Variants in FNDC3B observed in about 807,000 individuals in gnomAD.
FNDC3B encodes fibronectin type III domain-containing protein 3B.
In FNDC3B, 12 loss-of-function variants were observed where a neutral mutation model predicts 151.5. That is an observed-to-expected ratio of 0.08 (90% CI 0.05 to 0.13). The LOEUF is 0.13. FNDC3B is among the 10% of genes least tolerant of loss of function. FNDC3B has a pLI of 1.00. For missense variants in FNDC3B, 1,214 were observed against 1,505.3 expected (o/e 0.81, Z 3.20); for synonymous variants, 528 against 549.0 (o/e 0.96, Z 0.54).
intron 1 of FNDC3B, among the ~76,000 whole-genome samples, chr3:172,080,248 C>T (rs1306420228): frequency 6.6e-6 from 1 of 152,018 alleles, no homozygotes; most frequent in Admixed American, 6.6e-5. Flanking sequence ...CCCTTGAAGG[C>T]ATCTTCTGAA....
At chr3:172,120,998 T>C (rs765838153) in intron 2 of FNDC3B, among the ~76,000 whole-genome samples, 4 of 151,968 alleles carry the variant, frequency 2.6e-5, no homozygotes. Context: ...CCAGAAGATA[T>C]GTTAACACTG....
intron 3 of FNDC3B, among the ~76,000 whole-genome samples, chr3:172,215,782 A>T (rs7619745): frequency 0.88 from 134,008 of 152,222 alleles, 59,228 homozygotes; most frequent in African/African-American, 0.93. Flanking sequence ...TCGACTTTTA[A>T]TGAGCAATCT....
intron 1 of FNDC3B, among the ~76,000 whole-genome samples, chr3:172,071,120 CTTAA>C (rs1717757334): frequency 6.6e-6 from 1 of 152,074 alleles, no homozygotes; most frequent in Non-Finnish European, 1.5e-5. Flanking sequence ...ATTTTTCAGA[CTTAA>C]TTATTCAATT....
Position 172,283,716 on chromosome 3 carries a change from A to G in FNDC3B, c.791-2210A>G, listed in dbSNP as rs78427216. The stretch of plus-strand genomic sequence containing the variant: ...CTGAACCAGTTCATTTATTGTGACT[A>G]TGCTTATGTTTTGTTTTGATTTTTT... On this transcript the variant is annotated intron_variant, in intron 6 of 25. Transcript: ENST00000415807. Among the ~76,000 whole-genome samples, 1,028 of 152,256 alleles carry G rather than the reference A, an allele frequency of 6.8e-3. 14 individuals are homozygous for G. Among genetic ancestry groups the G allele is most frequent in the African/African-American group, 0.023 (939 of 41,556 alleles).
intron 6 of FNDC3B, among the ~76,000 whole-genome samples, chr3:172,283,046 G>A (rs552571604): frequency 8.5e-5 from 13 of 152,350 alleles, no homozygotes; most frequent in Non-Finnish European, 1.3e-4. Flanking sequence ...GTAAAAATTA[G>A]CAAGGTGATG....
intron 3 of FNDC3B, among the ~76,000 whole-genome samples, chr3:172,179,385 T>G (rs929629119): frequency 6.6e-6 from 1 of 152,108 alleles, no homozygotes; most frequent in African/African-American, 2.4e-5. Context: ...ACTATTATGC[T>G]CAAGGTAAAT....
At chr3:172,153,687 C>G (rs150084473) in intron 3 of FNDC3B, among the ~76,000 whole-genome samples, 31 of 152,298 alleles carry the variant, frequency 2.0e-4, no homozygotes, top group African/African-American at 7.5e-4. Flanking sequence ...AAGAATGCCT[C>G]AAGAGTCAAA....
chr3:172,335,056 C>T lies in FNDC3B; in HGVS notation c.1754C>T (p.Thr585Ile), dbSNP rs1362986461. 1.4e-5 allele frequency: 22 copies of T among 1,609,940 alleles called. No individual in the cohort carries two copies. Among genetic ancestry groups the T allele is most frequent in the African/African-American group, 5.4e-5 (4 of 74,572 alleles). ...AGACCGCTTGTCAAAGGCCCAGTTA[C>T]ATCTCATGGCTTTAGTGTCAAATGG... is the stretch of plus-strand genomic sequence containing the variant. The part of the protein sequence containing the change: ...PTRPLVKGPV[T>I]SHGFSVKWDP... Residue 585 changes from threonine (T) to isoleucine (I), a missense_variant, in exon 15 of 26, where the codon ACA becomes ATA. Physicochemically the swap from Thr to Ile is moderately conservative, Grantham distance 89. This residue lies in a region of FNDC3B where 380 missense variants were observed against 420.9 expected (regional missense o/e 0.90). Coordinates refer to ENST00000415807, the MANE Select transcript of FNDC3B (RefSeq NM_022763.4).
intron 3 of FNDC3B, among the ~76,000 whole-genome samples, chr3:172,209,437 C>T (rs983533299): frequency 2.0e-5 from 3 of 152,124 alleles, no homozygotes; most frequent in Non-Finnish European, 4.4e-5. Flanking sequence ...CCGAGAGGAG[C>T]TTTATTGAGC....
intron 1 of FNDC3B, among the ~76,000 whole-genome samples, chr3:172,062,181 C>G (rs1576827802): frequency 1.3e-5 from 2 of 152,128 alleles, no homozygotes; most frequent in African/African-American, 4.8e-5. Flanking sequence ...CTCTCCTTAC[C>G]CCTCAGCCCC....
At chr3:172,388,365 C>G (rs933991582) in intron 25 of FNDC3B, among the ~76,000 whole-genome samples, 1 of 152,100 alleles carries the variant, frequency 6.6e-6, no homozygotes, top group African/African-American at 2.4e-5. Flanking sequence ...GTCAAGATTA[C>G]TTTAAAATAT....
intron 2 of FNDC3B, among the ~76,000 whole-genome samples, chr3:172,123,904 A>G (rs76383418): frequency 5.9e-5 from 9 of 152,324 alleles, no homozygotes; most frequent in African/African-American, 2.2e-4. Flanking sequence ...TATGAATAAT[A>G]TCTGTCTGTT....
chr3:172,136,500 G>T (rs1721372574), intron 3 of FNDC3B, among the ~76,000 whole-genome samples: 1 of 152,120 alleles, frequency 6.6e-6, no homozygotes, highest in East Asian at 1.9e-4. Flanking sequence ...GTTGATTGGG[G>T]CCAGGGAGGG....
intron 24 of FNDC3B, 28 bp downstream of exon 24, chr3:172,378,464 T>C (rs1735271019): frequency 6.4e-7 from 1 of 1,557,160 alleles, no homozygotes; most frequent in Non-Finnish European, 8.7e-7. Flanking sequence ...TCTTTCTCGC[T>C]CTCTTGTGAG....
At chr3:172,226,989 T>G in intron 4 of FNDC3B, 42 bp downstream of exon 4, 1 of 1,295,500 alleles carries the variant, frequency 7.7e-7, no homozygotes, top group Non-Finnish European at 1.1e-6. Context: ...ATGGACACTG[T>G]CGTTGCTCCA....
intron 4 of FNDC3B, among the ~76,000 whole-genome samples, chr3:172,246,619 G>A (rs553829888): frequency 6.6e-6 from 1 of 152,338 alleles, no homozygotes; most frequent in South Asian, 2.1e-4. Flanking sequence ...GGGCACGGTC[G>A]TGCATGCCTG....
At chr3:172,218,114 CGGA>C (rs1198703921) in intron 3 of FNDC3B, among the ~76,000 whole-genome samples, 2 of 107,962 alleles carry the variant, frequency 1.9e-5, no homozygotes, top group Non-Finnish European at 3.5e-5. Context: ...GCCAGAGAAA[CGGA>C]GAAGATCGAC....
rs903820354 is a variant in FNDC3B, at chr3:172,352,386, T to A, written c.2515-417T>A. ...AGACTTAAAAGTCAGATGAACCGGA[T>A]TCCGGTCCCAGCTTTGCCTCTAAAT... is the stretch of plus-strand genomic sequence containing the variant. On this transcript the variant is annotated intron_variant, in intron 21 of 25. Coordinates refer to ENST00000415807, the MANE Select transcript of FNDC3B (RefSeq NM_022763.4). This position sits in a 1 kb window ranked among gnomAD's most constrained non-coding sequence, Gnocchi z 4.2. 6.6e-6 allele frequency among the ~76,000 whole-genome samples: 1 copy of A among 152,154 alleles called. No homozygotes were observed. The highest frequency in any genetic ancestry group is 2.4e-5 in the African/African-American group (1 of 41,430).
At chr3:172,053,792 A>G (rs1179595868) in intron 1 of FNDC3B, among the ~76,000 whole-genome samples, 1 of 152,066 alleles carries the variant, frequency 6.6e-6, no homozygotes, top group Non-Finnish European at 1.5e-5. Flanking sequence ...AAAAAAAAAA[A>G]AAAATCTTCT....
Sources: allele counts gnomAD v4.1 joint callset (sites outside exome capture counted in the v4.1 genomes callset), GRCh38; gene constraint gnomAD v4.1.1; regional missense constraint gnomAD v4.1.1; non-coding constraint Gnocchi (gnomAD v3.1); transcripts MANE v1.5; gene names NCBI Gene and HGNC (gene_info 2026-07-23, HGNC 2026-07-21).